The following CLASP1 variants were observed in gnomAD, a reference collection of about 807,000 sequenced individuals.
CLASP1 encodes cytoplasmic linker associated protein 1.
CLASP1 carries 38 observed loss-of-function variants against 192.3 expected under a neutral mutation model. That is an observed-to-expected ratio of 0.20 (90% CI 0.15 to 0.26). CLASP1 has a LOEUF of 0.26. Among genes scored for constraint, CLASP1 ranks in the 10% least tolerant of loss-of-function variants. CLASP1 has a pLI of 1.00. For synonymous variants in CLASP1, 691 were observed against 712.8 expected (o/e 0.97, Z 0.49); for missense variants, 1,433 against 1,932.5 (o/e 0.74, Z 4.85).
At position 121,511,498 on chromosome 2, in the gene CLASP1, G is replaced by C. The variant is rs980956676; in HGVS notation, c.644+4167C>G. Among the ~76,000 whole-genome samples, 3 of 151,544 alleles carry C rather than the reference G, an allele frequency of 2.0e-5. No homozygotes were observed. In the East Asian group the frequency reaches 5.8e-4, roughly 29 times the overall value. ...AGCTACTCGGGAGGCTGAGGCAGGAGAATCAGTTGAACCCAGGAGGTGGAG... is the reference window on the plus strand; with the variant it reads ...AGCTACTCGGGAGGCTGAGGCAGGACAATCAGTTGAACCCAGGAGGTGGAG... On this transcript the variant is annotated intron_variant, in intron 7 of 39. Transcript: ENST00000263710.
intron 8 of CLASP1, among the ~76,000 whole-genome samples, chr2:121,472,033 G>A (rs904575265): frequency 1.1e-4 from 16 of 152,134 alleles, no homozygotes; most frequent in Non-Finnish European, 1.3e-4. Context: ...AAGAACATAC[G>A]AACTGCTGTC....
chr2:121,530,187 G>A, intron 3 of CLASP1, 60 bp downstream of exon 3: 4 of 1,442,942 alleles, frequency 2.8e-6, no homozygotes, highest in East Asian at 2.6e-5. Context: ...AGCCGGGGAG[G>A]CCGAGGGAAG....
chr2:121,512,455 G>A (rs1438215157), intron 7 of CLASP1, among the ~76,000 whole-genome samples: 1 of 152,138 alleles, frequency 6.6e-6, no homozygotes, highest in Non-Finnish European at 1.5e-5. Context: ...ATATATACAT[G>A]AACTATAATA....
intron 2 of CLASP1, among the ~76,000 whole-genome samples, chr2:121,569,291 A>C (rs1337123504): frequency 6.6e-6 from 1 of 152,176 alleles, no homozygotes; most frequent in Non-Finnish European, 1.5e-5. Context: ...AAATGATAGG[A>C]TATAGCTCAT....
chr2:121,519,779 C>A (rs1289731589), intron 6 of CLASP1, among the ~76,000 whole-genome samples: 1 of 152,206 alleles, frequency 6.6e-6, no homozygotes, highest in Non-Finnish European at 1.5e-5. Context: ...CTATTCTTCA[C>A]TGAAGAACTG....
intron 2 of CLASP1, among the ~76,000 whole-genome samples, chr2:121,548,543 A>T (rs116597960): frequency 0.012 from 1,865 of 152,288 alleles, 32 homozygotes; most frequent in Non-Finnish European, 0.018. Flanking sequence ...CAAAAGTCAA[A>T]TTCAGGAAAT....
At chr2:121,404,117 A>G (rs1387786310) in intron 26 of CLASP1, among the ~76,000 whole-genome samples, 2 of 152,262 alleles carry the variant, frequency 1.3e-5, no homozygotes, top group Non-Finnish European at 2.9e-5. Context: ...GCTGAATATA[A>G]GAAAGACCAT....
chr2:121,617,606 A>G (rs2066675856), intron 1 of CLASP1, among the ~76,000 whole-genome samples: 1 of 152,164 alleles, frequency 6.6e-6, no homozygotes, highest in Admixed American at 6.5e-5. Context: ...TACTTAACAA[A>G]CTACACCACT....
At chr2:121,500,389 AAAG>A (rs1244636805) in intron 8 of CLASP1, among the ~76,000 whole-genome samples, 29 of 143,272 alleles carry the variant, frequency 2.0e-4, no homozygotes, top group African/African-American at 7.1e-4. Flanking sequence ...AGAAAGAAAG[AAAG>A]AAAGAAAAGA....
chr2:121,598,452 C>G (rs1209806706), intron 2 of CLASP1, among the ~76,000 whole-genome samples: 1 of 152,214 alleles, frequency 6.6e-6, no homozygotes, highest in Non-Finnish European at 1.5e-5. Flanking sequence ...TTTTGCAATA[C>G]AACGATTCAT....
chr2:121,449,067 T>C (rs762061975), exon 17 of CLASP1: 1 of 1,613,980 alleles, frequency 6.2e-7, no homozygotes, highest in Non-Finnish European at 8.5e-7. Context: ...CTCCAAGGTG[T>C]GGTACAAGTG....
At chr2:121,423,774 T>C (rs1426611476) in intron 22 of CLASP1, among the ~76,000 whole-genome samples, 4 of 152,244 alleles carry the variant, frequency 2.6e-5, no homozygotes, top group African/African-American at 7.2e-5. Context: ...CAATAAAAAG[T>C]TGGCATCATA....
intron 37 of CLASP1, among the ~76,000 whole-genome samples, chr2:121,353,436 C>T (rs1416109400): frequency 6.6e-6 from 1 of 152,156 alleles, no homozygotes; most frequent in Non-Finnish European, 1.5e-5. Context: ...TCTCCAATGA[C>T]CTCTAAGATG....
rs776050936 is a variant in CLASP1, at chr2:121,404,434, A to G, written c.2670T>C (p.Ser890=). The stretch of plus-strand genomic sequence containing the variant: ...CACACAACCTTTTCAGTTCAACTCG[A>G]CTAGAAGAAATAAAACAGAAATCAA... The change falls in exon 26 of 40, where the codon AGT becomes AGC. Residue 890 remains serine (S), a splice_region_variant and synonymous_variant. Transcript: ENST00000263710. 3.1e-6 allele frequency: 5 copies of G among 1,608,802 alleles called. No homozygotes were observed. The South Asian group carries it at 4.5e-5, about 14-fold the overall frequency.
intron 8 of CLASP1, among the ~76,000 whole-genome samples, chr2:121,485,478 C>A (rs1471848350): frequency 1.3e-5 from 2 of 152,024 alleles, no homozygotes; most frequent in African/African-American, 4.8e-5. Context: ...ATAAAGAAAT[C>A]CAAGTACACT....
chr2:121,465,862 C>T lies in CLASP1; in HGVS notation c.866-3257G>A, dbSNP rs180934944. ...AACAGAACAGAGCCCTCAGAAATAA[C>T]GCCGCATATCTACAACTATCTGATC... On this transcript the variant is annotated intron_variant, in intron 9 of 39. Coordinates refer to ENST00000263710, the Ensembl canonical transcript of CLASP1. Among the ~76,000 whole-genome samples the T allele has an allele frequency of 3.0e-3, 464 of 152,200 alleles. 1 individual carries two copies. Among genetic ancestry groups the T allele is most frequent in the Non-Finnish European group, 4.9e-3 (333 of 67,990 alleles).
At chr2:121,566,022 T>C (rs561132026) in intron 2 of CLASP1, among the ~76,000 whole-genome samples, 1 of 152,338 alleles carries the variant, frequency 6.6e-6, no homozygotes, top group Admixed American at 6.5e-5. Flanking sequence ...GAGCTAGCAC[T>C]GGGCTCTGAG....
intron 8 of CLASP1, among the ~76,000 whole-genome samples, chr2:121,489,075 G>T (rs1383271041): frequency 6.6e-6 from 1 of 152,156 alleles, no homozygotes; most frequent in East Asian, 1.9e-4. Context: ...AATGCTACTT[G>T]TAAGTGACAC....
chr2:121,625,207 G>GA (rs1190642787), intron 1 of CLASP1, among the ~76,000 whole-genome samples: 6 of 151,794 alleles, frequency 4.0e-5, no homozygotes, highest in Admixed American at 2.0e-4. Flanking sequence ...CAAGGTTTAA[G>GA]AAAAAAAATT....
Sources: allele counts gnomAD v4.1 joint callset (sites outside exome capture counted in the v4.1 genomes callset), GRCh38; gene constraint gnomAD v4.1.1; transcripts MANE v1.5; gene names NCBI Gene and HGNC (gene_info 2026-07-23, HGNC 2026-07-21).